NAALADL2: variants seen among roughly 807,000 people sequenced by gnomAD.
NAALADL2 encodes N-acetylated alpha-linked acidic dipeptidase like 2.
A neutral mutation model predicts 87.2 loss-of-function variants in NAALADL2; 76 were observed. The ratio of observed to expected loss-of-function variants is 0.87; its 90% confidence interval spans 0.72 to 1.05. The LOEUF is 1.05. NAALADL2 is among the 50% of genes least tolerant of loss of function. NAALADL2 has a pLI of 0.00. For missense variants in NAALADL2, 1,089 were observed against 945.8 expected, an observed-to-expected ratio of 1.15 and a Z score of -1.99; for synonymous variants, 354 against 331.0, an observed-to-expected ratio of 1.07 and a Z score of -0.75.
chr3:175,106,873 A>G lies in NAALADL2; in HGVS notation c.545+9582A>G, dbSNP rs1723248530. 5.3e-5 allele frequency among the ~76,000 whole-genome samples: 8 copies of G among 151,266 alleles called. No individual in the cohort carries two copies. The Admixed American group carries it at 5.3e-4, about 10-fold the overall frequency. On this transcript the variant is annotated intron_variant, in intron 2 of 13. Coordinates refer to ENST00000454872, the MANE Select transcript of NAALADL2 (RefSeq NM_207015.3). ...TCATAGGAGTGATTTACAGGGGAAC[A>G]TTTAAATTAAAATACATTTTAAAAT...
At chr3:174,772,725 C>G (rs1006784847) in intron 3 of NAALADL2, among the ~76,000 whole-genome samples, 1 of 151,968 alleles carries the variant, frequency 6.6e-6, no homozygotes, top group African/African-American at 2.4e-5. Flanking sequence ...CAGACAGACA[C>G]AAAATGATAT....
chr3:174,924,096 T>A (rs1735624721), intron 1 of NAALADL2, among the ~76,000 whole-genome samples: 1 of 152,122 alleles, frequency 6.6e-6, no homozygotes, highest in Non-Finnish European at 1.5e-5. Flanking sequence ...AGTTCTAGGG[T>A]ACATGTACAC....
At chr3:175,679,983 T>C (rs955751886) in intron 11 of NAALADL2, among the ~76,000 whole-genome samples, 1 of 152,030 alleles carries the variant, frequency 6.6e-6, no homozygotes, top group Non-Finnish European at 1.5e-5. Context: ...TTCATCTGCC[T>C]GAAAAAGGGG....
intron 7 of NAALADL2, among the ~76,000 whole-genome samples, chr3:175,465,346 G>A (rs1452927311): frequency 6.6e-6 from 1 of 151,666 alleles, no homozygotes; most frequent in Non-Finnish European, 1.5e-5. Context: ...TCTTAGATAT[G>A]GTTTATTTAG....
At chr3:175,723,037 C>A (rs1174244396) in intron 11 of NAALADL2, among the ~76,000 whole-genome samples, 1 of 152,094 alleles carries the variant, frequency 6.6e-6, no homozygotes, top group Non-Finnish European at 1.5e-5. Flanking sequence ...GGTGTCCTAC[C>A]TCTGCTTCTT....
chr3:175,042,793 A>T (rs1034333946), intron 1 of NAALADL2, among the ~76,000 whole-genome samples: 1 of 152,168 alleles, frequency 6.6e-6, no homozygotes, highest in Non-Finnish European at 1.5e-5. Context: ...TCCAAACCTC[A>T]TATTGAAATG....
At chr3:175,004,713 A>G (rs193270701) in intron 1 of NAALADL2, among the ~76,000 whole-genome samples, 3 of 152,282 alleles carry the variant, frequency 2.0e-5, no homozygotes, top group Admixed American at 1.3e-4. Flanking sequence ...TGATGGTTCA[A>G]TGTATAATAA....
chr3:174,559,941 CGTT>C (rs1294512464), intron 2 of NAALADL2, among the ~76,000 whole-genome samples: 1 of 152,218 alleles, frequency 6.6e-6, no homozygotes, highest in African/African-American at 2.4e-5. Context: ...ACCACTGACA[CGTT>C]GTGTCTTTGA....
intron 4 of NAALADL2, among the ~76,000 whole-genome samples, chr3:175,266,278 T>C (rs1210995283): frequency 6.6e-6 from 1 of 151,334 alleles, no homozygotes; most frequent in East Asian, 1.9e-4. Flanking sequence ...TTTAATCATC[T>C]AATATTTAAA....
intron 11 of NAALADL2, among the ~76,000 whole-genome samples, chr3:175,658,111 A>G (rs1386512175): frequency 6.6e-6 from 1 of 152,096 alleles, no homozygotes; most frequent in African/African-American, 2.4e-5. Flanking sequence ...ATTATTCTAG[A>G]TTCTGAAATT....
chr3:175,519,147 T>C (rs771278674), intron 9 of NAALADL2, among the ~76,000 whole-genome samples: 10 of 152,220 alleles, frequency 6.6e-5, no homozygotes, highest in Non-Finnish European at 1.2e-4. Flanking sequence ...AGTGGGGCTC[T>C]TATAACCTAC....
intron 4 of NAALADL2, among the ~76,000 whole-genome samples, chr3:175,277,426 G>A (rs556910429): frequency 1.3e-5 from 2 of 152,234 alleles, no homozygotes; most frequent in South Asian, 2.1e-4. Flanking sequence ...CCTGAAAGCT[G>A]TAAGGTAATG....
At position 175,399,684 on chromosome 3, in the gene NAALADL2, G is replaced by A. The variant is rs1373176131; in HGVS notation, c.1091-47545G>A. Among the ~76,000 whole-genome samples the A allele has an allele frequency of 3.3e-5, 5 of 151,972 alleles. No homozygotes were observed. In the South Asian group the frequency reaches 8.3e-4, roughly 25 times the overall value. ...CGGCTACTTTACTGCAACCTGTTTTGTCAGCAAGGTCTTTATGACCTGTAT... is the reference window on the plus strand; with the variant it reads ...CGGCTACTTTACTGCAACCTGTTTTATCAGCAAGGTCTTTATGACCTGTAT... On this transcript the variant is annotated intron_variant, in intron 5 of 13. Coordinates refer to ENST00000454872, the MANE Select transcript of NAALADL2 (RefSeq NM_207015.3).
At position 175,445,626 on chromosome 3, in the gene NAALADL2, T is replaced by TA. The variant is rs900390926; in HGVS notation, c.1091-1598dup. ...CCTTTTTCCCTTTTCTCCTTTTTCCTAAAAAGGATCATTTTTGTGTTAAAT... is the reference window on the plus strand; with the variant it reads ...CCTTTTTCCCTTTTCTCCTTTTTCCTAAAAAAGGATCATTTTTGTGTTAAAT... On this transcript the variant is annotated intron_variant, in intron 5 of 13. Transcript: ENST00000454872. 8.4e-4 allele frequency among the ~76,000 whole-genome samples: 128 copies of TA among 152,316 alleles called. 1 individual carries two copies. The highest frequency in any genetic ancestry group is 3.0e-3 in the African/African-American group (125 of 41,568).
chr3:175,178,460 G>C (rs968821067), intron 2 of NAALADL2, among the ~76,000 whole-genome samples: 1 of 151,976 alleles, frequency 6.6e-6, no homozygotes, highest in Admixed American at 6.6e-5. Flanking sequence ...AGTTGATTTA[G>C]TGGTCAAGGG....
chr3:175,408,410 G>C (rs778670167), intron 5 of NAALADL2, among the ~76,000 whole-genome samples: 12 of 151,898 alleles, frequency 7.9e-5, no homozygotes, highest in Non-Finnish European at 1.6e-4. Context: ...TATTATTAGT[G>C]TATTAAACAG....
At chr3:175,602,956 C>T (rs1723171018) in intron 10 of NAALADL2, among the ~76,000 whole-genome samples, 1 of 152,166 alleles carries the variant, frequency 6.6e-6, no homozygotes, top group Admixed American at 6.5e-5. Flanking sequence ...CTCCTTCTCC[C>T]TATATAACTT....
chr3:174,881,159 G>T (rs1241296915), intron 1 of NAALADL2, among the ~76,000 whole-genome samples: 1 of 152,026 alleles, frequency 6.6e-6, no homozygotes, highest in East Asian at 1.9e-4. Context: ...GGCTCCAGGT[G>T]GACATATCCT....
intron 13 of NAALADL2, among the ~76,000 whole-genome samples, chr3:175,775,348 T>A (rs1320459943): frequency 1.3e-5 from 2 of 152,080 alleles, no homozygotes; most frequent in South Asian, 4.1e-4. Flanking sequence ...ATTTTCTTTA[T>A]CCTTGAATAA....
Sources: allele counts gnomAD v4.1 joint callset (sites outside exome capture counted in the v4.1 genomes callset), GRCh38; gene constraint gnomAD v4.1.1; transcripts MANE v1.5; gene names NCBI Gene and HGNC (gene_info 2026-07-23, HGNC 2026-07-21).